HOOK3: variants seen among roughly 807,000 people sequenced by gnomAD.
HOOK3 encodes protein Hook homolog 3.
Under a neutral mutation model 116.3 loss-of-function variants are expected in HOOK3, and 24 were observed. That is an observed-to-expected ratio of 0.21 (90% CI 0.15 to 0.29). The LOEUF (loss-of-function observed/expected upper bound fraction) is 0.29, where lower values mean the gene tolerates loss of function less well. Among genes scored for constraint, HOOK3 ranks in the 10% least tolerant of loss-of-function variants. HOOK3 has a pLI of 1.00. For missense variants in HOOK3, 632 were observed against 830.2 expected, an observed-to-expected ratio of 0.76 and a Z score of 2.93; for synonymous variants, 275 against 283.0, an observed-to-expected ratio of 0.97 and a Z score of 0.28.
chr8:43,022,205 C>T lies in HOOK3; in HGVS notation c.*3707C>T, dbSNP rs530957857. The T allele has an allele frequency of 3.5e-4, 74 of 209,136 alleles. No homozygotes were observed. The highest frequency in any genetic ancestry group is 6.2e-4 in the Non-Finnish European group (64 of 102,832). 13.0% of individuals were successfully genotyped at this position (209,136 alleles called of 1,614,324 possible). On this transcript the variant is annotated 3_prime_UTR_variant, in exon 22 of 22. Transcript: ENST00000307602. ...GTCCAGCTTTGGACAGGGTTTATGA[C>T]GTTTCTGTTTCTCTAGTAATGATTA...
At chr8:42,977,922 A>G (rs1010351297) in intron 13 of HOOK3, among the ~76,000 whole-genome samples, 2 of 152,164 alleles carry the variant, frequency 1.3e-5, no homozygotes, top group African/African-American at 4.8e-5. Flanking sequence ...AAGAAGGCCC[A>G]AAAAGATTCA....
intron 2 of HOOK3, among the ~76,000 whole-genome samples, chr8:42,912,535 T>C (rs573661109): frequency 1.5e-3 from 229 of 152,336 alleles, no homozygotes; most frequent in African/African-American, 5.4e-3. Context: ...ACAATGTGAA[T>C]GTATTTGATA....
chr8:42,917,526 C>A (rs568879333), intron 2 of HOOK3, among the ~76,000 whole-genome samples: 1 of 152,234 alleles, frequency 6.6e-6, no homozygotes, highest in East Asian at 1.9e-4. Flanking sequence ...TAAAGGAGCT[C>A]CTTATGAATT....
At chr8:42,946,449 C>T (rs1369147771) in intron 5 of HOOK3, among the ~76,000 whole-genome samples, 1 of 151,986 alleles carries the variant, frequency 6.6e-6, no homozygotes, top group Non-Finnish European at 1.5e-5. Flanking sequence ...GAAAATACGG[C>T]AGGAGATAGG....
intron 13 of HOOK3, among the ~76,000 whole-genome samples, chr8:42,981,663 C>G (rs775298277): frequency 6.6e-6 from 1 of 151,584 alleles, no homozygotes; most frequent in Non-Finnish European, 1.5e-5. Flanking sequence ...GCGGGCAGAT[C>G]GCCTTAGGTC....
chr8:42,914,780 T>C (rs144741407), intron 2 of HOOK3, among the ~76,000 whole-genome samples: 1,599 of 152,312 alleles, frequency 0.01, 31 homozygotes, highest in African/African-American at 0.036. Flanking sequence ...TACTGGATCA[T>C]ATCCTTAAGC....
At chr8:42,979,303 A>G (rs1351972605) in intron 13 of HOOK3, among the ~76,000 whole-genome samples, 1 of 152,202 alleles carries the variant, frequency 6.6e-6, no homozygotes, top group Non-Finnish European at 1.5e-5. Flanking sequence ...TTTTAAGTAC[A>G]TCAGACTTCC....
At chr8:42,997,517 C>G in intron 15 of HOOK3, 33 bp from the exon 16 acceptor site, 1 of 1,389,462 alleles carries the variant, frequency 7.2e-7, no homozygotes, top group Non-Finnish European at 1.0e-6. Flanking sequence ...CGTAACTCAC[C>G]ACTTGGAAAA....
intron 15 of HOOK3, among the ~76,000 whole-genome samples, chr8:42,993,584 T>C (rs748514841): frequency 1.3e-5 from 2 of 152,246 alleles, no homozygotes; most frequent in Non-Finnish European, 2.9e-5. Flanking sequence ...AGGATTGGTA[T>C]AAGTTCTTCT....
Position 43,019,788 on chromosome 8 carries a change from T to TA in HOOK3, c.*1291dup, listed in dbSNP as rs1480450209. 1 of 205,304 alleles carries TA rather than the reference T, an allele frequency of 4.9e-6. No individual in the cohort carries two copies. Among genetic ancestry groups the TA allele is most frequent in the African/African-American group, 2.3e-5 (1 of 43,842 alleles). The allele number at this position is 205,304 out of a possible 1,614,324, so 12.7% of individuals were successfully genotyped here. ...TGCCTTCTAACTTTCCATATTGACTTATGTATTTGGTCCCAAATTATATTT... is the reference window on the plus strand; with the variant it reads ...TGCCTTCTAACTTTCCATATTGACTTAATGTATTTGGTCCCAAATTATATTT... On this transcript the variant is annotated 3_prime_UTR_variant, in exon 22 of 22. Coordinates refer to ENST00000307602, the MANE Select transcript of HOOK3 (RefSeq NM_032410.4).
chr8:42,949,825 G>T (rs1808303169), intron 5 of HOOK3, among the ~76,000 whole-genome samples: 1 of 152,074 alleles, frequency 6.6e-6, no homozygotes, highest in Non-Finnish European at 1.5e-5. Context: ...GCTGAGGCAG[G>T]AGAGTGGCGT....
chr8:43,012,079 A>G (rs1352286142), intron 19 of HOOK3, among the ~76,000 whole-genome samples: 1 of 152,234 alleles, frequency 6.6e-6, no homozygotes, highest in Non-Finnish European at 1.5e-5. Flanking sequence ...GATCAGAGAC[A>G]GAAGTCTAGC....
intron 19 of HOOK3, among the ~76,000 whole-genome samples, chr8:43,011,197 G>A (rs1809604737): frequency 6.6e-6 from 1 of 152,060 alleles, no homozygotes; most frequent in Non-Finnish European, 1.5e-5. Context: ...GTTTCACTGT[G>A]TTAGCCAGGA....
At chr8:42,900,376 A>T (rs191577405) in intron 1 of HOOK3, among the ~76,000 whole-genome samples, 11 of 152,328 alleles carry the variant, frequency 7.2e-5, no homozygotes, top group Admixed American at 1.3e-4. Flanking sequence ...AGAGACTGAA[A>T]AACGAAGTCT....
At chr8:42,994,136 C>T (rs1448147357) in intron 15 of HOOK3, among the ~76,000 whole-genome samples, 1 of 152,154 alleles carries the variant, frequency 6.6e-6, no homozygotes, top group African/African-American at 2.4e-5. Context: ...CTGCCTCAGC[C>T]TCCAGAGTAG....
At chr8:42,930,066 A>T in intron 3 of HOOK3, 56 bp from the exon 4 acceptor site, 1 of 1,497,014 alleles carries the variant, frequency 6.7e-7, no homozygotes, top group Middle Eastern at 1.7e-4. Flanking sequence ...TTTATGTTAA[A>T]TTATGTTTTG....
intron 6 of HOOK3, among the ~76,000 whole-genome samples, chr8:42,951,722 C>T (rs1808348001): frequency 6.6e-6 from 1 of 152,028 alleles, no homozygotes; most frequent in South Asian, 2.1e-4. Context: ...GCAGGCGGAT[C>T]ACGAGGTCAA....
intron 4 of HOOK3, among the ~76,000 whole-genome samples, chr8:42,930,759 A>G (rs926757508): frequency 5.3e-5 from 8 of 152,118 alleles, no homozygotes; most frequent in African/African-American, 1.7e-4. Flanking sequence ...AAGTGACCCT[A>G]CCATTCACCC....
chr8:42,974,349 T>C (rs1350629320), intron 13 of HOOK3, among the ~76,000 whole-genome samples, 155 bp downstream of exon 13: 1 of 152,160 alleles, frequency 6.6e-6, no homozygotes, highest in African/African-American at 2.4e-5. Flanking sequence ...CAAGCGATTC[T>C]CCTGCCTCAG....
Sources: allele counts gnomAD v4.1 joint callset (sites outside exome capture counted in the v4.1 genomes callset), GRCh38; gene constraint gnomAD v4.1.1; transcripts MANE v1.5; gene names NCBI Gene and HGNC (gene_info 2026-07-23, HGNC 2026-07-21).